The following GPC6 variants were observed in gnomAD, a reference collection of about 807,000 sequenced individuals.
The protein encoded by GPC6 is glypican 6.
Under a neutral mutation model 55.2 loss-of-function variants are expected in GPC6, and 14 were observed. The observed-to-expected ratio is 0.25, with a 90% confidence interval of 0.17 to 0.40. The LOEUF (loss-of-function observed/expected upper bound fraction) is 0.40, where lower values mean the gene tolerates loss of function less well. Ranked by LOEUF, GPC6 falls within the 10% of genes least tolerant of loss-of-function variation. The pLI is 1.00. For missense variants in GPC6, 641 were observed against 708.5 expected (o/e 0.90, Z 1.08); for synonymous variants, 278 against 259.6 (o/e 1.07, Z -0.68).
chr13:93,803,680 C>G (rs1470815322), intron 2 of GPC6, among the ~76,000 whole-genome samples: 3 of 152,092 alleles, frequency 2.0e-5, no homozygotes, highest in African/African-American at 7.2e-5. Flanking sequence ...GTAGAAATAA[C>G]CAGAATATCA....
At chr13:94,277,557 G>A (rs566453989) in intron 4 of GPC6, among the ~76,000 whole-genome samples, 2 of 152,224 alleles carry the variant, frequency 1.3e-5, no homozygotes, top group African/African-American at 4.8e-5. Flanking sequence ...GGTTTTTATA[G>A]TTTTGAGTCT....
chr13:93,983,476 G>T (rs1880895136), intron 3 of GPC6, among the ~76,000 whole-genome samples: 1 of 151,582 alleles, frequency 6.6e-6, no homozygotes. Context: ...TACTCTGTTG[G>T]TCAAGCTGGA....
At position 93,658,156 on chromosome 13, in the gene GPC6, T is replaced by G. The variant is rs139622568; in HGVS notation, c.319+112735T>G. On this transcript the variant is annotated intron_variant, in intron 2 of 8. Transcript: ENST00000377047. The stretch of plus-strand genomic sequence containing the variant: ...CACTTTTACATTATCCAATCAAGAT[T>G]TAGAATATTTCCATCACCCCTTAAA... Among the ~76,000 whole-genome samples, 127 of 152,122 alleles carry G rather than the reference T, an allele frequency of 8.3e-4. 1 individual carries two copies. The highest frequency in any genetic ancestry group is 2.9e-3 in the African/African-American group (121 of 41,574).
intron 4 of GPC6, among the ~76,000 whole-genome samples, chr13:94,173,668 C>T (rs182856398): frequency 1.3e-5 from 2 of 152,176 alleles, no homozygotes; most frequent in East Asian, 3.9e-4. Context: ...AGGTGGAGCC[C>T]GAACTCAAGT....
At chr13:93,391,410 A>G (rs1054009366) in intron 1 of GPC6, among the ~76,000 whole-genome samples, 2 of 152,142 alleles carry the variant, frequency 1.3e-5, no homozygotes, top group African/African-American at 4.8e-5. Flanking sequence ...GACAAATGCC[A>G]GCTACTTTTG....
chr13:93,886,763 T>C lies in GPC6; in HGVS notation c.711+56218T>C, dbSNP rs529381305. Among the ~76,000 whole-genome samples, 15 of 149,788 alleles carry C rather than the reference T, an allele frequency of 1.0e-4. 1 individual carries two copies. Among genetic ancestry groups the C allele is most frequent in the African/African-American group, 3.6e-4 (15 of 41,166 alleles). On this transcript the variant is annotated intron_variant, in intron 3 of 8. Coordinates refer to ENST00000377047, the MANE Select transcript of GPC6 (RefSeq NM_005708.5). ...GAGCATCTGTCATTTTTTTTTTGTT[T>C]TTTTTTTTTTCATATTTTTAATCCC...
intron 4 of GPC6, among the ~76,000 whole-genome samples, chr13:94,036,980 T>A (rs1883359261): frequency 6.6e-6 from 1 of 151,994 alleles, no homozygotes; most frequent in Non-Finnish European, 1.5e-5. Context: ...GTTTCGTCTT[T>A]AAAATAGTTG....
intron 2 of GPC6, among the ~76,000 whole-genome samples, chr13:93,591,708 C>A (rs1362514099): frequency 6.6e-6 from 1 of 152,088 alleles, no homozygotes; most frequent in Non-Finnish European, 1.5e-5. Flanking sequence ...CCAGCAGGAT[C>A]AAGCTATCAT....
intron 3 of GPC6, among the ~76,000 whole-genome samples, chr13:93,853,072 A>G (rs1466754654): frequency 1.3e-5 from 2 of 151,740 alleles, no homozygotes; most frequent in African/African-American, 2.4e-5. Flanking sequence ...ACATTGTTCT[A>G]TGTTTACTAT....
intron 3 of GPC6, among the ~76,000 whole-genome samples, chr13:93,982,623 A>G (rs1189442201): frequency 1.3e-5 from 2 of 152,198 alleles, no homozygotes; most frequent in Admixed American, 1.3e-4. Context: ...CATATCCACC[A>G]ACTTACTAAG....
chr13:94,240,865 A>G (rs937986996), intron 4 of GPC6, among the ~76,000 whole-genome samples: 3 of 152,188 alleles, frequency 2.0e-5, no homozygotes, highest in East Asian at 1.9e-4. Flanking sequence ...CCAGCTGGGA[A>G]GCTCCTGAGG....
chr13:93,390,798 CATT>C (rs1875600448), intron 1 of GPC6, among the ~76,000 whole-genome samples: 2 of 148,296 alleles, frequency 1.3e-5, no homozygotes, highest in East Asian at 3.9e-4. Context: ...TAATTACTGT[CATT>C]AAAAAAAAAA....
At chr13:94,162,994 G>A (rs1453813272) in intron 4 of GPC6, among the ~76,000 whole-genome samples, 2 of 152,086 alleles carry the variant, frequency 1.3e-5, no homozygotes, top group Non-Finnish European at 2.9e-5. Context: ...GATAGAAATA[G>A]CTCACCATGA....
At chr13:94,257,240 T>A (rs1237462555) in intron 4 of GPC6, among the ~76,000 whole-genome samples, 1 of 152,066 alleles carries the variant, frequency 6.6e-6, no homozygotes, top group African/African-American at 2.4e-5. Context: ...ACATGGGAGA[T>A]CACACAAATG....
intron 1 of GPC6, among the ~76,000 whole-genome samples, chr13:93,420,159 CAAACTT>C (rs892666661): frequency 3.9e-5 from 6 of 152,130 alleles, no homozygotes; most frequent in African/African-American, 1.4e-4. Context: ...ACAATGTTGT[CAAACTT>C]AAACTGAGTT....
chr13:94,028,242 G>A (rs1882979616), intron 4 of GPC6, among the ~76,000 whole-genome samples: 1 of 151,854 alleles, frequency 6.6e-6, no homozygotes. Flanking sequence ...TCCAGCCTGG[G>A]TGACAGAGTG....
intron 1 of GPC6, among the ~76,000 whole-genome samples, chr13:93,286,033 G>A (rs907915328): frequency 3.3e-5 from 5 of 152,110 alleles, no homozygotes; most frequent in African/African-American, 9.7e-5. Context: ...TAGTCCTTGT[G>A]TTAGTCTGTT....
At chr13:94,101,760 G>A (rs1451409072) in intron 4 of GPC6, among the ~76,000 whole-genome samples, 2 of 151,410 alleles carry the variant, frequency 1.3e-5, no homozygotes, top group African/African-American at 4.9e-5. Flanking sequence ...AATGTTTGTT[G>A]ATTAAATGCA....
In GPC6 at chr13:94,126,268, A is replaced by C. The variant is rs1886808693; in HGVS notation, c.877+98374A>C. Among the ~76,000 whole-genome samples the C allele has an allele frequency of 2.6e-5, 4 of 152,266 alleles. No individual in the cohort carries two copies. In the South Asian group the frequency reaches 8.3e-4, roughly 32 times the overall value. On this transcript the variant is annotated intron_variant, in intron 4 of 8. Transcript: ENST00000377047. Reference sequence around the variant, plus strand: ...TGCAGTGGCACTTGCCTGTATTCCCAACTATTCAGGAGGCTGAGGTGGGAG... The same window carrying C: ...TGCAGTGGCACTTGCCTGTATTCCCCACTATTCAGGAGGCTGAGGTGGGAG...
Sources: allele counts gnomAD v4.1 joint callset (sites outside exome capture counted in the v4.1 genomes callset), GRCh38; gene constraint gnomAD v4.1.1; transcripts MANE v1.5; gene names NCBI Gene and HGNC (gene_info 2026-07-23, HGNC 2026-07-21).